Variants in FSD1L observed in about 807,000 individuals in gnomAD.
FSD1L encodes the protein FSD1-like protein.
Under a neutral mutation model 71.6 loss-of-function variants are expected in FSD1L, and 45 were observed. The observed-to-expected ratio is 0.63, with a 90% CI of 0.49 to 0.81. The LOEUF (loss-of-function observed/expected upper bound fraction) is 0.81, where lower values mean the gene tolerates loss of function less well. FSD1L is among the 30% of genes least tolerant of loss of function. The probability of loss-of-function intolerance (pLI) is 0.00; values close to 1 mark genes in which losing one functional copy is unlikely to be tolerated. For synonymous variants in FSD1L, 197 were observed against 207.2 expected, an observed-to-expected ratio of 0.95 and a Z score of 0.42; for missense variants, 561 against 618.1, an observed-to-expected ratio of 0.91 and a Z score of 0.98.
intron 10 of FSD1L, among the ~76,000 whole-genome samples, chr9:105,532,068 A>G (rs188366256): frequency 6.6e-6 from 1 of 152,340 alleles, no homozygotes; most frequent in African/African-American, 2.4e-5. Flanking sequence ...GCTTCTTCCC[A>G]GAGTACCTCT....
rs1441047262 is a variant in FSD1L at position 105,512,855 on chromosome 9, T to A, written c.944T>A (p.Val315Asp). 1 of 1,540,966 alleles carries A rather than the reference T, an allele frequency of 6.5e-7. No homozygotes were observed. The highest frequency in any genetic ancestry group is 8.8e-7 in the Non-Finnish European group (1 of 1,141,030). The change falls in exon 10 of 14, where the codon GTT becomes GAT. Residue 315 changes from valine (V) to aspartate (D), a missense_variant. By Grantham distance (152) the Val-to-Asp change is radical (BLOSUM62 -3). Around this residue, in one of 3 missense-constraint regions of FSD1L, gnomAD observed 410 missense variants for 413.5 expected, o/e 0.99. Coordinates refer to ENST00000481272, the MANE Select transcript of FSD1L (RefSeq NM_001145313.3). ...TCCTCATCCCATTTGAACCTGAAAGTTGAAGATACATGTGTAGAGTGGGAT... is the reference window on the plus strand; with the variant it reads ...TCCTCATCCCATTTGAACCTGAAAGATGAAGATACATGTGTAGAGTGGGAT... ...DNSSSHLNLKVEDTCVEWDPT... is the reference protein window; with the variant it reads ...DNSSSHLNLKDEDTCVEWDPT...
intron 1 of FSD1L, among the ~76,000 whole-genome samples, chr9:105,454,675 T>C (rs1284245577): frequency 6.6e-6 from 1 of 152,238 alleles, no homozygotes; most frequent in Non-Finnish European, 1.5e-5. Context: ...CAAAGGCCAC[T>C]GCACATGGTT....
At position 105,448,103 on chromosome 9, in the gene FSD1L, G is replaced by T; in HGVS notation, c.-118G>T. Reference sequence around the variant, plus strand: ...GGGCGCGGACGGGTGGGGCCGGGCGGTGCCGGTGCGGGCTGGGGCAGTGCA... The same window carrying T: ...GGGCGCGGACGGGTGGGGCCGGGCGTTGCCGGTGCGGGCTGGGGCAGTGCA... On this transcript the variant is annotated 5_prime_UTR_variant, in exon 1 of 14. Coordinates refer to ENST00000481272, the MANE Select transcript of FSD1L (RefSeq NM_001145313.3). 2 of 1,161,324 alleles carry T rather than the reference G, an allele frequency of 1.7e-6. No homozygotes were observed. Among genetic ancestry groups the T allele is most frequent in the African/African-American group, 1.6e-5 (1 of 62,230 alleles). The allele number at this position is 1,161,324 out of a possible 1,614,324, so 71.9% of individuals were successfully genotyped here.
At chr9:105,450,534 C>CTTTTTTTTTTTTTTTTTT (rs35115121) in intron 1 of FSD1L, among the ~76,000 whole-genome samples, 7 of 137,946 alleles carry the variant, frequency 5.1e-5, no homozygotes, top group African/African-American at 1.9e-4. Flanking sequence ...GGATTGTGTT[C>CTTTTTTTTTTTTTTTTTT]TTTTTTTTTT....
intron 5 of FSD1L, among the ~76,000 whole-genome samples, chr9:105,473,726 A>C (rs1831618391): frequency 6.6e-6 from 1 of 152,182 alleles, no homozygotes; most frequent in African/African-American, 2.4e-5. Context: ...GGAGAGACTG[A>C]TACTTGGAAA....
At chr9:105,480,489 G>T (rs1371977552) in intron 6 of FSD1L, among the ~76,000 whole-genome samples, 1 of 152,098 alleles carries the variant, frequency 6.6e-6, no homozygotes, top group African/African-American at 2.4e-5. Context: ...ACAGGGTCTT[G>T]CTATTTTGCC....
intron 7 of FSD1L, among the ~76,000 whole-genome samples, chr9:105,493,337 G>GT (rs1048872927): frequency 2.6e-5 from 4 of 151,900 alleles, no homozygotes; most frequent in Non-Finnish European, 5.9e-5. Flanking sequence ...GCCTTTTTTA[G>GT]TTTTCCATTT....
At chr9:105,523,234 C>T (rs1300997287) in intron 10 of FSD1L, 82 of 1,610,230 alleles carry the variant, frequency 5.1e-5, no homozygotes, top group South Asian at 4.1e-4. Context: ...CCAGTCCACT[C>T]ACCTCTGTGC....
At position 105,506,574 on chromosome 9, in the gene FSD1L, T is replaced by C; in HGVS notation, c.762T>C (p.Ile254=). The part of the protein sequence containing the change: ...RVKDERCWEI[I]DNIKGTEYTL... ...AGGATGAGCGATGCTGGGAGATAAT[T>C]GATAATATTAAGGGTACTGAATATA... Residue 254 remains isoleucine, a synonymous_variant, in exon 8 of 14, where the codon ATT becomes ATC. Transcript: ENST00000481272. 6.4e-7 allele frequency: 1 copy of C among 1,550,774 alleles called. No individual in the cohort carries two copies. The highest frequency in any genetic ancestry group is 8.7e-7 in the Non-Finnish European group (1 of 1,146,288).
At chr9:105,492,992 G>C (rs1382839948) in intron 7 of FSD1L, among the ~76,000 whole-genome samples, 1 of 152,160 alleles carries the variant, frequency 6.6e-6, no homozygotes, top group Non-Finnish European at 1.5e-5. Context: ...TTGGGGTGGA[G>C]AGTTCTGTAG....
At chr9:105,507,554 G>A (rs930757377) in intron 8 of FSD1L, among the ~76,000 whole-genome samples, 1 of 152,122 alleles carries the variant, frequency 6.6e-6, no homozygotes, top group Non-Finnish European at 1.5e-5. Context: ...AGTTGTTGAC[G>A]GTCCCATAGC....
At chr9:105,482,899 C>T (rs1832305540) in intron 6 of FSD1L, among the ~76,000 whole-genome samples, 1 of 152,070 alleles carries the variant, frequency 6.6e-6, no homozygotes, top group African/African-American at 2.4e-5. Context: ...AATATCTAGT[C>T]AGGTTTTGAA....
At chr9:105,534,977 T>G in intron 11 of FSD1L, 90 bp from the exon 12 acceptor site, 3 of 1,292,302 alleles carry the variant, frequency 2.3e-6, no homozygotes, top group Non-Finnish European at 3.2e-6. Context: ...AATAAAAATT[T>G]TTGTGTCTTT....
chr9:105,459,454 T>G (rs1830555627), intron 1 of FSD1L, among the ~76,000 whole-genome samples: 1 of 152,256 alleles, frequency 6.6e-6, no homozygotes, highest in Non-Finnish European at 1.5e-5. Flanking sequence ...TTTAGAATGC[T>G]AAATATGAGC....
intron 12 of FSD1L, among the ~76,000 whole-genome samples, chr9:105,536,628 T>G (rs908835090): frequency 1.3e-5 from 2 of 152,136 alleles, no homozygotes; most frequent in Non-Finnish European, 2.9e-5. Flanking sequence ...GTTTTGGTTT[T>G]TTTTGTTTTG....
chr9:105,487,032 A>G (rs867796377), intron 7 of FSD1L, among the ~76,000 whole-genome samples: 1 of 152,156 alleles, frequency 6.6e-6, no homozygotes, highest in African/African-American at 2.4e-5. Flanking sequence ...AGATGGAAGC[A>G]TATAGTACAG....
At chr9:105,497,495 G>A (rs560510447) in intron 7 of FSD1L, among the ~76,000 whole-genome samples, 2 of 152,248 alleles carry the variant, frequency 1.3e-5, no homozygotes, top group East Asian at 1.9e-4. Context: ...TTTGTGCCTG[G>A]TGCTTTCTGT....
intron 12 of FSD1L, among the ~76,000 whole-genome samples, chr9:105,538,225 T>C (rs1056437105): frequency 1.3e-5 from 2 of 152,252 alleles, no homozygotes; most frequent in African/African-American, 2.4e-5. Context: ...ACTATTCTGC[T>C]GTTTACTAAC....
intron 4 of FSD1L, among the ~76,000 whole-genome samples, chr9:105,468,611 C>T (rs1180334901): frequency 6.6e-6 from 1 of 151,798 alleles, no homozygotes; most frequent in Non-Finnish European, 1.5e-5. Flanking sequence ...TCTCCTGCCT[C>T]AGCCTCCCAA....
Sources: gnomAD v4.1 joint callset for allele counts (sites outside exome capture counted in the v4.1 genomes callset) on GRCh38, gnomAD v4.1.1 for gene constraint, gnomAD v4.1.1 regional missense constraint, MANE v1.5 for transcripts, NCBI Gene and HGNC (gene_info 2026-07-23, HGNC 2026-07-21) for gene names.